The following KAZN variants were observed in gnomAD, a reference collection of about 807,000 sequenced individuals.
The protein encoded by KAZN is kazrin.
KAZN carries 40 observed loss-of-function variants against 87.4 expected under a neutral mutation model. The observed-to-expected ratio is 0.46, with a 90% CI of 0.36 to 0.60. KAZN has a LOEUF of 0.60. Among genes scored for constraint, KAZN ranks in the 20% least tolerant of loss-of-function variants. KAZN has a pLI of 0.00. For missense variants in KAZN, 898 were observed against 1,073.9 expected, an observed-to-expected ratio of 0.84 and a Z score of 2.29; for synonymous variants, 466 against 458.3, an observed-to-expected ratio of 1.02 and a Z score of -0.22.
chr1:14,360,054 TC>T (rs1659376501), intron 2 of KAZN, among the ~76,000 whole-genome samples: 1 of 152,200 alleles, frequency 6.6e-6, no homozygotes, highest in South Asian at 2.1e-4. Context: ...GGTTCCATTC[TC>T]CCCTTCACTT....
At chr1:14,709,671 A>G (rs1260978243) in intron 1 of KAZN, among the ~76,000 whole-genome samples, 5 of 152,180 alleles carry the variant, frequency 3.3e-5, no homozygotes, top group Non-Finnish European at 5.9e-5. Flanking sequence ...GTGAGAGGCC[A>G]CTGCTCCAGG....
At chr1:14,446,705 G>T (rs1667002539) in intron 2 of KAZN, among the ~76,000 whole-genome samples, 1 of 152,056 alleles carries the variant, frequency 6.6e-6, no homozygotes, top group South Asian at 2.1e-4. Context: ...TTCATTCGCA[G>T]GTAGCTCAGT....
Position 15,021,454 on chromosome 1 carries a change from A to G in KAZN, c.419-13295A>G, listed in dbSNP as rs933299881. Reference sequence around the variant, plus strand: ...GAGGACATTTCCTGGACTCCCCTTCAGAGGCTGGAAAACAAACACCACCCG... The same window carrying G: ...GAGGACATTTCCTGGACTCCCCTTCGGAGGCTGGAAAACAAACACCACCCG... On this transcript the variant is annotated intron_variant, in intron 2 of 14. Transcript: ENST00000376030. This position sits in a 1 kb window ranked among gnomAD's most constrained non-coding sequence, Gnocchi z 4.2. Among the ~76,000 whole-genome samples the G allele has an allele frequency of 6.6e-6, 1 of 152,142 alleles. No homozygotes were observed. Among genetic ancestry groups the G allele is most frequent in the Non-Finnish European group, 1.5e-5 (1 of 68,028 alleles).
intron 2 of KAZN, among the ~76,000 whole-genome samples, chr1:15,033,458 T>C (rs1464611932): frequency 1.3e-5 from 2 of 152,206 alleles, no homozygotes; most frequent in Non-Finnish European, 2.9e-5. Flanking sequence ...CAGGGTCGTA[T>C]GGTAAGTTGA....
At chr1:15,050,149 A>AGAATAGAATG (rs1175750192) in intron 4 of KAZN, among the ~76,000 whole-genome samples, 10 of 111,378 alleles carry the variant, frequency 9.0e-5, no homozygotes, top group South Asian at 3.2e-4. Context: ...ATAGAATAAT[A>AGAATAGAATG]GAATAGAATG....
At chr1:14,677,795 A>T (rs1640321603) in intron 1 of KAZN, among the ~76,000 whole-genome samples, 1 of 152,200 alleles carries the variant, frequency 6.6e-6, no homozygotes, top group Non-Finnish European at 1.5e-5. Flanking sequence ...CCAGTATATC[A>T]AAAAGCTGCT....
intron 1 of KAZN, among the ~76,000 whole-genome samples, chr1:14,874,525 G>A (rs1367512234): frequency 6.6e-6 from 1 of 151,834 alleles, no homozygotes; most frequent in African/African-American, 2.4e-5. Context: ...TGGATGGACA[G>A]ATGGATGGAA....
chr1:13,969,713 T>C (rs1258920972), intron 1 of KAZN, among the ~76,000 whole-genome samples: 1 of 152,114 alleles, frequency 6.6e-6, no homozygotes, highest in Admixed American at 6.5e-5. Flanking sequence ...ATGGCTCAGA[T>C]GCTACCTGGC....
At chr1:14,156,910 G>GT (rs200937006) in intron 1 of KAZN, among the ~76,000 whole-genome samples, 1,962 of 122,430 alleles carry the variant, frequency 0.016, 12 homozygotes, top group Admixed American at 0.028. Flanking sequence ...GTGGTCTTTT[G>GT]TTTTTTTTTT....
intron 2 of KAZN, among the ~76,000 whole-genome samples, chr1:14,439,214 G>C (rs1056416940): frequency 2.6e-5 from 4 of 152,126 alleles, no homozygotes; most frequent in African/African-American, 9.7e-5. Flanking sequence ...AGCTGCACAG[G>C]CCTGGTCATC....
intron 1 of KAZN, among the ~76,000 whole-genome samples, chr1:14,883,859 T>G (rs113409273): frequency 7.3e-4 from 111 of 152,264 alleles, no homozygotes; most frequent in African/African-American, 2.6e-3. Context: ...AAACACCCCT[T>G]ACGGTTTGGG....
At chr1:15,061,340 T>A (rs893893818) in intron 6 of KAZN, 2 of 152,140 alleles carry the variant, frequency 1.3e-5, no homozygotes, top group Admixed American at 6.5e-5. Flanking sequence ...TCCACAATAA[T>A]GAAAAGTGCT....
chr1:14,484,779 A>T (rs906005850), intron 2 of KAZN, among the ~76,000 whole-genome samples: 1 of 152,194 alleles, frequency 6.6e-6, no homozygotes, highest in Non-Finnish European at 1.5e-5. Context: ...ATCTCCTGGG[A>T]TAACTGTGTT....
intron 1 of KAZN, among the ~76,000 whole-genome samples, chr1:14,694,894 C>T (rs1184701309): frequency 1.3e-5 from 2 of 152,148 alleles, no homozygotes; most frequent in Non-Finnish European, 2.9e-5. Flanking sequence ...CAAGGGCAAG[C>T]ACAGGGTGTT....
At chr1:14,799,846 C>G (rs1170451503) in intron 1 of KAZN, among the ~76,000 whole-genome samples, 1 of 152,158 alleles carries the variant, frequency 6.6e-6, no homozygotes, top group South Asian at 2.1e-4. Context: ...TTATAGGAAG[C>G]CTTGGAGACC....
intron 1 of KAZN, among the ~76,000 whole-genome samples, chr1:14,852,451 G>A (rs901956824): frequency 3.3e-5 from 5 of 152,204 alleles, no homozygotes; most frequent in South Asian, 2.1e-4. Context: ...AATCCTTCCC[G>A]GGAGGCAGCA....
chr1:13,946,015 T>G (rs1641136513), intron 1 of KAZN, among the ~76,000 whole-genome samples: 1 of 152,200 alleles, frequency 6.6e-6, no homozygotes, highest in African/African-American at 2.4e-5. Context: ...ATGGCAGTGG[T>G]TAGACAATCT....
chr1:14,470,109 A>C (rs550755978), intron 2 of KAZN, among the ~76,000 whole-genome samples: 1 of 152,240 alleles, frequency 6.6e-6, no homozygotes, highest in African/African-American at 2.4e-5. Flanking sequence ...TACATATTTC[A>C]AACAATGCGC....
At chr1:14,908,814 A>G (rs569078696) in intron 1 of KAZN, among the ~76,000 whole-genome samples, 1 of 152,084 alleles carries the variant, frequency 6.6e-6, no homozygotes, top group Admixed American at 6.5e-5. Flanking sequence ...CAGGAATTCA[A>G]GACCACCCTG....
Sources: gnomAD v4.1 joint callset for allele counts (sites outside exome capture counted in the v4.1 genomes callset) on GRCh38, gnomAD v4.1.1 for gene constraint, Gnocchi (gnomAD v3.1) non-coding constraint, MANE v1.5 for transcripts, NCBI Gene and HGNC (gene_info 2026-07-23, HGNC 2026-07-21) for gene names.